Variants in CA12 observed in about 807,000 individuals in gnomAD.
CA12 encodes carbonic anhydrase 12, also known as carbonate dehydratase XII.
Under a neutral mutation model 46.8 loss-of-function variants are expected in CA12, and 36 were observed. That is an observed-to-expected ratio of 0.77 (90% confidence interval 0.59 to 1.02). The LOEUF is 1.02. Among genes scored for constraint, CA12 ranks in the 50% least tolerant of loss-of-function variants. CA12 has a pLI of 0.00. For missense variants in CA12, 436 were observed against 451.4 expected (o/e 0.97, Z 0.31); for synonymous variants, 202 against 187.0 (o/e 1.08, Z -0.65).
intron 2 of CA12, among the ~76,000 whole-genome samples, chr15:63,354,555 C>G (rs997093972): frequency 1.3e-5 from 2 of 152,092 alleles, no homozygotes; most frequent in Non-Finnish European, 2.9e-5. Flanking sequence ...AAGACCCCAT[C>G]TCTAAACAAC....
intron 2 of CA12, among the ~76,000 whole-genome samples, chr15:63,364,332 GAAAAA>G (rs34673043): frequency 1.1e-4 from 6 of 56,118 alleles, no homozygotes; most frequent in South Asian, 1.1e-3. Context: ...CCCGTCACTA[GAAAAA>G]AAAAAAAAAA....
Position 63,339,662 on chromosome 15 carries a change from C to T in CA12, c.747+626G>A, listed in dbSNP as rs756318168. 2.0e-5 allele frequency among the ~76,000 whole-genome samples: 3 copies of T among 152,208 alleles called. No individual in the cohort carries two copies. Among genetic ancestry groups the T allele is most frequent in the African/African-American group, 4.8e-5 (2 of 41,442 alleles). On this transcript the variant is annotated intron_variant, in intron 7 of 10. Coordinates refer to ENST00000178638, the MANE Select transcript of CA12 (RefSeq NM_001218.5). The surrounding 1 kb of genome is among the most constrained non-coding windows in gnomAD (Gnocchi z 4.3). ...AGCCAGGGTGTAGTGCTGGCCCCAG[C>T]CCCGTCTCCTGGGGAGCCATTTTTC...
chr15:63,326,265 G>A lies in CA12; in HGVS notation c.*20C>T. ...CCAAAGCAAGGTCCTTCCTGGATGT[G>A]CCCGGGAGCTCCGGGGACCTCAAGC... On this transcript the variant is annotated 3_prime_UTR_variant, in exon 11 of 11. Coordinates refer to ENST00000178638, the MANE Select transcript of CA12 (RefSeq NM_001218.5). The A allele has an allele frequency of 1.2e-6, 2 of 1,606,884 alleles. No homozygotes were observed. Among genetic ancestry groups the A allele is most frequent in the Non-Finnish European group, 1.7e-6 (2 of 1,173,496 alleles).
chr15:63,341,789 A>G lies in CA12; in HGVS notation c.525+213T>C, dbSNP rs2039082427. 6.6e-6 allele frequency among the ~76,000 whole-genome samples: 1 copy of G among 152,232 alleles called. No homozygotes were observed. Among genetic ancestry groups the G allele is most frequent in the African/African-American group, 2.4e-5 (1 of 41,464 alleles). On this transcript the variant is annotated intron_variant, in intron 5 of 10. Transcript: ENST00000178638. The surrounding 1 kb of genome is among the most constrained non-coding windows in gnomAD (Gnocchi z 5.2). Reference sequence around the variant, plus strand: ...GGCCCGTTTTTCCAACGGACCAAAGAACATTCCCCATTTCTGCTGCCCAGG... The same window carrying G: ...GGCCCGTTTTTCCAACGGACCAAAGGACATTCCCCATTTCTGCTGCCCAGG...
At chr15:63,361,011 C>T (rs1378739630) in intron 2 of CA12, among the ~76,000 whole-genome samples, 1 of 152,140 alleles carries the variant, frequency 6.6e-6, no homozygotes, top group Non-Finnish European at 1.5e-5. Context: ...CTTCCTGACA[C>T]TTGAGGTGGC....
rs2039535304 is a variant in CA12, at chr15:63,373,653, C to G, written c.106+2005G>C. ...AGGTTTTTCAGGCTCCCTCCCTTTC[C>G]CAGGTCTAGCCCAAGGCCTAGAAAT... On this transcript the variant is annotated intron_variant, in intron 2 of 10. Transcript: ENST00000178638. The surrounding 1 kb of genome is among the most constrained non-coding windows in gnomAD (Gnocchi z 4.9). Among the ~76,000 whole-genome samples the G allele has an allele frequency of 6.6e-6, 1 of 152,154 alleles. No homozygotes were observed. The highest frequency in any genetic ancestry group is 2.1e-4 in the South Asian group (1 of 4,834).
chr15:63,343,358 C>T (rs948585423), intron 4 of CA12, among the ~76,000 whole-genome samples: 5 of 148,222 alleles, frequency 3.4e-5, no homozygotes, highest in East Asian at 2.0e-4. Context: ...CTTGGCTCAC[C>T]GCAACCTCCG....
intron 4 of CA12, among the ~76,000 whole-genome samples, chr15:63,343,135 C>G (rs1377405806): frequency 1.3e-5 from 2 of 152,130 alleles, no homozygotes; most frequent in Non-Finnish European, 2.9e-5. Context: ...ATTAAAACCC[C>G]TGAGGTCCTA....
At chr15:63,364,156 A>G (rs903201546) in intron 2 of CA12, among the ~76,000 whole-genome samples, 6 of 151,368 alleles carry the variant, frequency 4.0e-5, no homozygotes, top group Non-Finnish European at 5.9e-5. Flanking sequence ...CAGCCTGGGC[A>G]ACAAGAGTAA....
chr15:63,357,027 G>A (rs1318816874), intron 2 of CA12, among the ~76,000 whole-genome samples: 1 of 152,220 alleles, frequency 6.6e-6, no homozygotes, highest in Non-Finnish European at 1.5e-5. Flanking sequence ...TCATTTTAAT[G>A]TACCATTTCT....
chr15:63,368,966 CTGCTCTCTGGGAGACT>C (rs1380836484), intron 2 of CA12, among the ~76,000 whole-genome samples: 2 of 147,036 alleles, frequency 1.4e-5, no homozygotes, highest in Admixed American at 7.0e-5. Context: ...GCCTATTTGC[CTGCTCTCTGGGAGACT>C]TCAGGGGCTT....
At chr15:63,379,816 AG>A (rs945092322) in intron 1 of CA12, among the ~76,000 whole-genome samples, 3 of 152,222 alleles carry the variant, frequency 2.0e-5, no homozygotes, top group African/African-American at 7.2e-5. Flanking sequence ...AGGTTTGGGC[AG>A]GGCAAGCTCT....
chr15:63,344,662 C>G (rs2039122614), intron 4 of CA12, among the ~76,000 whole-genome samples: 8 of 152,200 alleles, frequency 5.3e-5, no homozygotes, highest in Admixed American at 5.2e-4. Context: ...GGAATGGTCT[C>G]TATTTACCAC....
Position 63,340,222 on chromosome 15 carries a change from T to G in CA12, c.747+66A>C. ...AATGAGGAAATCAAGTCATTGATTGTGATATGGAGGATGATGGGGACTGAG... is the reference window on the plus strand; with the variant it reads ...AATGAGGAAATCAAGTCATTGATTGGGATATGGAGGATGATGGGGACTGAG... On this transcript the variant is annotated intron_variant, in intron 7 of 10. Transcript: ENST00000178638. The surrounding 1 kb of genome is among the most constrained non-coding windows in gnomAD (Gnocchi z 4.4). The G allele has an allele frequency of 7.1e-6, 11 of 1,545,132 alleles. No homozygotes were observed. The highest frequency in any genetic ancestry group is 9.8e-6 in the Non-Finnish European group (11 of 1,118,318).
At chr15:63,349,773 C>G (rs1374838317) in intron 2 of CA12, among the ~76,000 whole-genome samples, 1 of 152,162 alleles carries the variant, frequency 6.6e-6, no homozygotes, top group African/African-American at 2.4e-5. Flanking sequence ...CCCACGCTGT[C>G]CTTGAAGACA....
intron 4 of CA12, among the ~76,000 whole-genome samples, chr15:63,344,314 G>A (rs2039118025): frequency 6.6e-6 from 1 of 152,084 alleles, no homozygotes; most frequent in Admixed American, 6.5e-5. Flanking sequence ...TTTAAATATT[G>A]AAGCCCTCAA....
chr15:63,366,907 G>A (rs1305886625), intron 2 of CA12, among the ~76,000 whole-genome samples: 1 of 151,956 alleles, frequency 6.6e-6, no homozygotes, highest in Non-Finnish European at 1.5e-5. Flanking sequence ...GTAACACTAA[G>A]GTGGCTTATT....
chr15:63,375,731 GA>G lies in CA12; in HGVS notation c.86-54del, dbSNP rs1366008634. The G allele has an allele frequency of 2.3e-5, 32 of 1,368,592 alleles. No homozygotes were observed. In the African/African-American group the frequency reaches 4.4e-4, roughly 19 times the overall value. The allele number at this position is 1,368,592 out of a possible 1,614,324, so 84.8% of individuals were successfully genotyped here. On this transcript the variant is annotated intron_variant, in intron 1 of 10. Coordinates refer to ENST00000178638, the MANE Select transcript of CA12 (RefSeq NM_001218.5). ...GTACAATGGAACCAGATGAGTAATG[GA>G]AAACACTACAGATTTTGTTTTGATA... is the stretch of plus-strand genomic sequence containing the variant.
chr15:63,365,882 T>C (rs2039429098), intron 2 of CA12, among the ~76,000 whole-genome samples: 1 of 152,198 alleles, frequency 6.6e-6, no homozygotes, highest in Admixed American at 6.5e-5. Context: ...CTCATGACTA[T>C]AATCTCAGCA....
Sources: allele counts gnomAD v4.1 joint callset (sites outside exome capture counted in the v4.1 genomes callset), GRCh38; gene constraint gnomAD v4.1.1; non-coding constraint Gnocchi (gnomAD v3.1); transcripts MANE v1.5; gene names NCBI Gene and HGNC (gene_info 2026-07-23, HGNC 2026-07-21).